The following BCAS3 variants were observed in gnomAD, a reference collection of about 807,000 sequenced individuals.
BCAS3 encodes BCAS4/BCAS3 fusion.
BCAS3 carries 53 observed loss-of-function variants against 116.1 expected under a neutral mutation model. The ratio of observed to expected loss-of-function variants is 0.46; its 90% CI spans 0.37 to 0.57. The LOEUF (loss-of-function observed/expected upper bound fraction) is 0.57. Ranked by LOEUF, BCAS3 falls within the 20% of genes least tolerant of loss-of-function variation. The pLI, the probability that BCAS3 is intolerant of heterozygous loss-of-function variation, is 0.00. For missense variants in BCAS3, 917 were observed against 1,165.4 expected (o/e 0.79, Z 3.10); for synonymous variants, 391 against 408.2 (o/e 0.96, Z 0.51).
rs1417098992 is a variant in BCAS3, at chr17:61,142,272, A to C, written c.2425+57708A>C. The stretch of plus-strand genomic sequence containing the variant: ...TTAGTAATTGGCAGAGCCAAATTTA[A>C]ACCCAGATCTGTACAATTGAAGCTG... On this transcript the variant is annotated intron_variant, in intron 22 of 23. Transcript: ENST00000407086. 2.0e-5 allele frequency among the ~76,000 whole-genome samples: 3 copies of C among 152,248 alleles called. No individual in the cohort carries two copies. In the East Asian group the frequency reaches 5.8e-4, roughly 29 times the overall value.
chr17:61,015,661 A>G, intron 15 of BCAS3, 90 bp from the exon 16 acceptor site: 2 of 1,294,126 alleles, frequency 1.5e-6, no homozygotes, highest in Non-Finnish European at 2.2e-6. Flanking sequence ...TTAAATGATT[A>G]CTGGAGTCAG....
intron 22 of BCAS3, among the ~76,000 whole-genome samples, chr17:61,335,290 G>T (rs148170707): frequency 3.8e-4 from 58 of 152,226 alleles, no homozygotes; most frequent in African/African-American, 1.3e-3. Flanking sequence ...ATGCTGAATC[G>T]TCCTTTCCAG....
At chr17:60,700,670 C>G (rs2036265317) in intron 4 of BCAS3, among the ~76,000 whole-genome samples, 1 of 152,124 alleles carries the variant, frequency 6.6e-6, no homozygotes, top group African/African-American at 2.4e-5. Context: ...GAAGGAGTGA[C>G]TAGAGAAAGT....
At chr17:61,069,995 C>T (rs749163639) in intron 19 of BCAS3, 14 of 1,589,514 alleles carry the variant, frequency 8.8e-6, no homozygotes, top group South Asian at 5.5e-5. Context: ...AAGATCCGCA[C>T]GTCACCCACC....
At chr17:60,939,964 A>G (rs1445204839) in intron 13 of BCAS3, among the ~76,000 whole-genome samples, 2 of 152,238 alleles carry the variant, frequency 1.3e-5, no homozygotes, top group Admixed American at 1.3e-4. Context: ...GAACATTAGA[A>G]TGCTTAATAT....
At chr17:60,728,620 C>T (rs1455711490) in intron 5 of BCAS3, among the ~76,000 whole-genome samples, 2 of 152,056 alleles carry the variant, frequency 1.3e-5, no homozygotes, top group African/African-American at 2.4e-5. Context: ...GCTGGGATTA[C>T]AGGTGCCCGC....
intron 22 of BCAS3, among the ~76,000 whole-genome samples, chr17:61,109,762 C>A (rs1568371574): frequency 6.6e-6 from 1 of 152,162 alleles, no homozygotes; most frequent in Admixed American, 6.5e-5. Flanking sequence ...CTTTTCACAT[C>A]CTTAACCCAC....
At chr17:61,304,999 C>T (rs1241101261) in intron 22 of BCAS3, among the ~76,000 whole-genome samples, 12 of 152,126 alleles carry the variant, frequency 7.9e-5, no homozygotes, top group Non-Finnish European at 1.6e-4. Context: ...TCAGGTGATC[C>T]GCCCGCCTCG....
intron 7 of BCAS3, among the ~76,000 whole-genome samples, chr17:60,863,617 G>C (rs1265779737): frequency 2.0e-5 from 3 of 152,058 alleles, no homozygotes; most frequent in Admixed American, 6.6e-5. Flanking sequence ...AGCTGAATAT[G>C]GTGGTGCGCA....
intron 12 of BCAS3, among the ~76,000 whole-genome samples, chr17:60,913,710 C>G (rs950609746): frequency 2.0e-5 from 3 of 152,156 alleles, no homozygotes; most frequent in East Asian, 3.9e-4. Context: ...ATCCCTTGAG[C>G]CTTTGATAAT....
At position 61,105,880 on chromosome 17, in the gene BCAS3, A is replaced by T. The variant is rs2074613753; in HGVS notation, c.2425+21316A>T. Among the ~76,000 whole-genome samples the T allele has an allele frequency of 6.6e-6, 1 of 152,180 alleles. No homozygotes were observed. Among genetic ancestry groups the T allele is most frequent in the Admixed American group, 6.5e-5 (1 of 15,282 alleles). On this transcript the variant is annotated intron_variant, in intron 22 of 23. Coordinates refer to ENST00000407086, the MANE Select transcript of BCAS3 (RefSeq NM_017679.5). The surrounding 1 kb of genome is among the most constrained non-coding windows in gnomAD (Gnocchi z 4.3). ...TGTCACATATTGGTGTTTTATTTAAAATATTGTCCAGAAATAAACAATTCA... is the reference window on the plus strand; with the variant it reads ...TGTCACATATTGGTGTTTTATTTAATATATTGTCCAGAAATAAACAATTCA...
rs953635406 is a variant in BCAS3 at position 61,337,793 on chromosome 17, T to G, written c.2426-30534T>G. Among the ~76,000 whole-genome samples the G allele has an allele frequency of 3.3e-5, 5 of 152,176 alleles. No homozygotes were observed. Among genetic ancestry groups the G allele is most frequent in the African/African-American group, 1.2e-4 (5 of 41,436 alleles). ...AAACCTTTCAGCATTTCACAAGGTG[T>G]TAGAGACAGAGAAAGCCTCCTTGTT... On this transcript the variant is annotated intron_variant, in intron 22 of 23. Coordinates refer to ENST00000407086, the MANE Select transcript of BCAS3 (RefSeq NM_017679.5). The surrounding 1 kb of genome is among the most constrained non-coding windows in gnomAD (Gnocchi z 4.8).
chr17:60,806,420 G>A (rs1408001710), intron 6 of BCAS3, among the ~76,000 whole-genome samples: 1 of 152,104 alleles, frequency 6.6e-6, no homozygotes, highest in Non-Finnish European at 1.5e-5. Flanking sequence ...TTTTTCAAAT[G>A]CTTTTAGCCC....
chr17:60,906,522 TC>T (rs2058198634), intron 11 of BCAS3, among the ~76,000 whole-genome samples: 1 of 152,160 alleles, frequency 6.6e-6, no homozygotes, highest in Admixed American at 6.5e-5. Context: ...GTTCCATCTA[TC>T]AAAAACACCA....
At chr17:61,044,100 C>A (rs2067778939) in intron 19 of BCAS3, among the ~76,000 whole-genome samples, 1 of 151,716 alleles carries the variant, frequency 6.6e-6, no homozygotes, top group South Asian at 2.1e-4. Context: ...AATATTAAAG[C>A]ATTTGGGGTC....
At chr17:60,737,568 A>G (rs2041104983) in intron 5 of BCAS3, among the ~76,000 whole-genome samples, 1 of 151,974 alleles carries the variant, frequency 6.6e-6, no homozygotes, top group South Asian at 2.1e-4. Flanking sequence ...CTTTCACTGC[A>G]TTTCACAAAT....
intron 22 of BCAS3, among the ~76,000 whole-genome samples, chr17:61,190,663 T>A (rs139871944): frequency 0.027 from 4,043 of 151,784 alleles, 157 homozygotes; most frequent in African/African-American, 0.091. Context: ...GCTGGAGTGC[T>A]ATGGCGTGAT....
chr17:60,849,728 G>A (rs962938257), intron 7 of BCAS3, among the ~76,000 whole-genome samples: 4 of 152,050 alleles, frequency 2.6e-5, no homozygotes, highest in Middle Eastern at 3.2e-3. Context: ...TGAGTGAAAA[G>A]TACAGTGGTC....
intron 22 of BCAS3, among the ~76,000 whole-genome samples, chr17:61,342,870 C>T (rs984491926): frequency 3.1e-4 from 47 of 151,946 alleles, no homozygotes; most frequent in Admixed American, 9.8e-4. Flanking sequence ...CTGCCTCAGC[C>T]TCCGAACTAG....
Sources: gnomAD v4.1 joint callset for allele counts (sites outside exome capture counted in the v4.1 genomes callset) on GRCh38, gnomAD v4.1.1 for gene constraint, Gnocchi (gnomAD v3.1) non-coding constraint, MANE v1.5 for transcripts, NCBI Gene and HGNC (gene_info 2026-07-23, HGNC 2026-07-21) for gene names.